The following HORMAD2 variants were observed in gnomAD, a reference collection of about 807,000 sequenced individuals.
HORMAD2 encodes the protein HORMA domain-containing protein 2.
In HORMAD2, 45 loss-of-function variants were observed where a neutral mutation model predicts 38.8. The observed-to-expected ratio is 1.16, with a 90% CI of 0.91 to 1.49. HORMAD2 has a LOEUF of 1.49. Ranked by LOEUF, HORMAD2 falls within the 40% of genes most tolerant of loss-of-function variation. The probability of loss-of-function intolerance (pLI) is 0.00; values close to 1 mark genes in which losing one functional copy is unlikely to be tolerated. For missense variants in HORMAD2, 338 were observed against 367.0 expected (o/e 0.92, Z 0.65); for synonymous variants, 126 against 122.8 (o/e 1.03, Z -0.17).
intron 10 of HORMAD2, among the ~76,000 whole-genome samples, chr22:30,167,087 GC>G (rs1325407431): frequency 2.6e-5 from 4 of 152,172 alleles, no homozygotes; most frequent in Non-Finnish European, 5.9e-5. Flanking sequence ...CCCTCTGGGG[GC>G]TCTAAGAGAA....
Position 30,122,034 on chromosome 22 carries a change from G to C in HORMAD2, c.639G>C (p.Lys213Asn), listed in dbSNP as rs760519985. The C allele has an allele frequency of 6.2e-7, 1 of 1,613,154 alleles. No homozygotes were observed. The highest frequency in any genetic ancestry group is 1.1e-5 in the South Asian group (1 of 90,976). ...ATTCACACTTCCTGCTGTTTGACAA[G>C]GAGCCTATCAACGTGCAAGTGGGAT... ...GVNSHFLLFD[K>N]EPINVQVGFV... Residue 213 changes from lysine to asparagine, a missense_variant, in exon 10 of 11, where the codon AAG becomes AAC. By Grantham distance (94) the Lys-to-Asn change is moderately conservative (BLOSUM62 0). Transcript: ENST00000336726.
rs546929682 is a variant in HORMAD2 at position 30,112,413 on chromosome 22, G to A, written c.316-83G>A. ...GTACTCAACTAATAGAACACAAATT[G>A]AACTCTATATAAAAAAGGTATTTGA... On this transcript the variant is annotated intron_variant, in intron 6 of 10. Coordinates refer to ENST00000336726, the MANE Select transcript of HORMAD2 (RefSeq NM_152510.4). 7.3e-5 allele frequency: 50 copies of A among 683,360 alleles called. No individual in the cohort carries two copies. In the South Asian group the frequency reaches 8.2e-4, roughly 11 times the overall value. 42.3% of individuals were successfully genotyped at this position (683,360 alleles called of 1,614,324 possible).
In HORMAD2 at chr22:30,103,937, G is replaced by C. The variant is rs144747803; in HGVS notation, c.257+437G>C. Among the ~76,000 whole-genome samples, 55 of 151,096 alleles carry C rather than the reference G, an allele frequency of 3.6e-4. 1 individual carries two copies. The East Asian group carries it at 7.1e-3, about 19-fold the overall frequency. ...GGCCCCCCAAAGTGCTGGGACTACA[G>C]GTGTGAGCCACTGCCCTGACCTACT... On this transcript the variant is annotated intron_variant, in intron 4 of 10. Coordinates refer to ENST00000336726, the MANE Select transcript of HORMAD2 (RefSeq NM_152510.4).
upstream of HORMAD2, among the ~76,000 whole-genome samples, chr22:30,078,457 T>C (rs1432783175): frequency 6.6e-6 from 1 of 150,734 alleles, no homozygotes; most frequent in African/African-American, 2.4e-5. Context: ...AATACAAAAA[T>C]CAGCCGGGCA....
intron 10 of HORMAD2, among the ~76,000 whole-genome samples, chr22:30,125,211 C>CTTTTTTTTTTT (rs1569099734): frequency 1.1e-4 from 5 of 46,576 alleles, no homozygotes; most frequent in Admixed American, 2.3e-4. Flanking sequence ...CTTTCTTTTT[C>CTTTTTTTTTTT]TTTTCTTTTT....
chr22:30,116,288 A>G (rs1365034723), intron 7 of HORMAD2, among the ~76,000 whole-genome samples: 1 of 152,172 alleles, frequency 6.6e-6, no homozygotes, highest in Non-Finnish European at 1.5e-5. Flanking sequence ...TTGCAAATCA[A>G]GATAACTTTT....
chr22:30,207,156 C>T, the HORMAD2 span: 18 of 461,868 alleles, frequency 3.9e-5, no homozygotes, highest in Admixed American at 7.2e-5. Flanking sequence ...TGCTCCCGCC[C>T]GCCCAGGCTG....
intron 10 of HORMAD2, among the ~76,000 whole-genome samples, chr22:30,126,250 G>C (rs1347150841): frequency 6.6e-6 from 1 of 151,878 alleles, no homozygotes; most frequent in Non-Finnish European, 1.5e-5. Context: ...CTCACTGCAA[G>C]TTCCGCCTCC....
At chr22:30,103,815 C>T (rs567343825) in intron 4 of HORMAD2, among the ~76,000 whole-genome samples, 2 of 151,608 alleles carry the variant, frequency 1.3e-5, no homozygotes, top group African/African-American at 4.8e-5. Context: ...GTGCATGCCA[C>T]CACGCTCAGC....
chr22:30,154,216 A>G (rs113879053), intron 10 of HORMAD2, among the ~76,000 whole-genome samples: 8 of 152,364 alleles, frequency 5.3e-5, no homozygotes, highest in African/African-American at 1.7e-4. Flanking sequence ...GATAGGTTAG[A>G]AAAGAATAAG....
rs117983901 is a variant in HORMAD2, at chr22:30,115,192, T to C, written c.342+2670T>C. Among the ~76,000 whole-genome samples, 363 of 152,288 alleles carry C rather than the reference T, an allele frequency of 2.4e-3. 1 individual carries two copies. Among genetic ancestry groups the C allele is most frequent in the African/African-American group, 8.3e-3 (345 of 41,566 alleles). On this transcript the variant is annotated intron_variant, in intron 7 of 10. Coordinates refer to ENST00000336726, the MANE Select transcript of HORMAD2 (RefSeq NM_152510.4). ...CCCAGGCTGGAGTTCAGTGGTGTGA[T>C]CTTGGCTCATGGCAGCCTTGACCTT...
the HORMAD2 span, among the ~76,000 whole-genome samples, chr22:30,187,547 T>C: frequency 6.6e-6 from 1 of 151,962 alleles, no homozygotes; most frequent in Non-Finnish European, 1.5e-5. Context: ...TTTTTTCCGT[T>C]TTTTTCAATT....
chr22:30,140,413 T>C (rs1260579648), intron 10 of HORMAD2, among the ~76,000 whole-genome samples: 1 of 152,230 alleles, frequency 6.6e-6, no homozygotes, highest in Non-Finnish European at 1.5e-5. Flanking sequence ...TATCTGTGAC[T>C]GGGCTTTTCT....
At chr22:30,161,733 T>C (rs1331281604) in intron 10 of HORMAD2, among the ~76,000 whole-genome samples, 1 of 152,106 alleles carries the variant, frequency 6.6e-6, no homozygotes, top group Non-Finnish European at 1.5e-5. Flanking sequence ...AAATGTTCTT[T>C]TTTACCTTTG....
the HORMAD2 span, among the ~76,000 whole-genome samples, chr22:30,186,762 T>C: frequency 1.3e-5 from 2 of 152,158 alleles, no homozygotes; most frequent in Admixed American, 6.5e-5. Context: ...GGCTATCAAC[T>C]CTTGGGCAAG....
chr22:30,116,887 T>C (rs1196812927), intron 7 of HORMAD2, among the ~76,000 whole-genome samples: 1 of 152,300 alleles, frequency 6.6e-6, no homozygotes, highest in Admixed American at 6.5e-5. Flanking sequence ...AGAATGAGCA[T>C]TGTTTGCTTG....
chr22:30,092,097 T>A (rs547931746), intron 1 of HORMAD2, among the ~76,000 whole-genome samples: 1 of 150,910 alleles, frequency 6.6e-6, no homozygotes, highest in Non-Finnish European at 1.5e-5. Context: ...ACCAGACTGG[T>A]CTCAAACTCT....
chr22:30,130,728 C>T (rs1246431875), intron 10 of HORMAD2, among the ~76,000 whole-genome samples: 3 of 151,358 alleles, frequency 2.0e-5, no homozygotes, highest in East Asian at 1.9e-4. Flanking sequence ...GTAACTGGGA[C>T]TACAGGGGCG....
chr22:30,121,611 T>C (rs1254627193), intron 8 of HORMAD2, 21 bp from the exon 9 acceptor site: 4 of 1,547,162 alleles, frequency 2.6e-6, no homozygotes, highest in Non-Finnish European at 3.5e-6. Flanking sequence ...GATCAAAAAG[T>C]ATGCTTTTTT....
Sources: allele counts gnomAD v4.1 joint callset (sites outside exome capture counted in the v4.1 genomes callset), GRCh38; gene constraint gnomAD v4.1.1; transcripts MANE v1.5; gene names NCBI Gene and HGNC (gene_info 2026-07-23, HGNC 2026-07-21).